The following TMEM207 variants were observed in gnomAD, a reference collection of about 807,000 sequenced individuals.
TMEM207 encodes the protein SRSR846.
In TMEM207, 15 loss-of-function variants were observed where a neutral mutation model predicts 17.4. The ratio of observed to expected loss-of-function variants is 0.86; its 90% CI spans 0.58 to 1.33. TMEM207 has a LOEUF of 1.33. Among genes scored for constraint, TMEM207 ranks in the 40% most tolerant of loss-of-function variants. The pLI, the probability that TMEM207 is intolerant of heterozygous loss-of-function variation, is 0.00. For missense variants in TMEM207, 205 were observed against 173.8 expected (o/e 1.18, Z -1.01); for synonymous variants, 70 against 65.6 (o/e 1.07, Z -0.33).
At chr3:190,434,230 TTGAC>T (rs1187241674) in intron 4 of TMEM207, among the ~76,000 whole-genome samples, 1 of 151,914 alleles carries the variant, frequency 6.6e-6, no homozygotes, top group Non-Finnish European at 1.5e-5. Flanking sequence ...GTGATATGCT[TTGAC>T]TGTGTCCCCA....
At chr3:190,449,714 C>T (rs752813623) in intron 1 of TMEM207, 21 bp downstream of exon 1, 3 of 1,612,668 alleles carry the variant, frequency 1.9e-6, no homozygotes, top group Non-Finnish European at 8.5e-7. Context: ...AAAACCTTAA[C>T]CCAGAAAGAG....
chr3:190,431,697 C>G (rs953912661), intron 4 of TMEM207, among the ~76,000 whole-genome samples: 1 of 152,050 alleles, frequency 6.6e-6, no homozygotes, highest in African/African-American at 2.4e-5. Context: ...TCAAAGGTAA[C>G]TATCTTTCTG....
chr3:190,439,394 T>C (rs1016679809), intron 4 of TMEM207, among the ~76,000 whole-genome samples: 15 of 152,168 alleles, frequency 9.9e-5, no homozygotes, highest in Non-Finnish European at 2.1e-4. Context: ...CCATCTATTG[T>C]AAATTTCATG....
chr3:190,430,196 ATGTT>A (rs1194978110), intron 4 of TMEM207, among the ~76,000 whole-genome samples: 1 of 152,188 alleles, frequency 6.6e-6, no homozygotes, highest in African/African-American at 2.4e-5. Context: ...AACAGTAAAA[ATGTT>A]AAGCTCGGTG....
At chr3:190,446,780 A>G (rs1324820827) in intron 2 of TMEM207, among the ~76,000 whole-genome samples, 2 of 152,200 alleles carry the variant, frequency 1.3e-5, no homozygotes, top group African/African-American at 4.8e-5. Flanking sequence ...GATCCTTTCC[A>G]ATTCTGAACT....
At chr3:190,436,951 T>A (rs2378570) in intron 4 of TMEM207, among the ~76,000 whole-genome samples, 2 of 152,114 alleles carry the variant, frequency 1.3e-5, no homozygotes, top group African/African-American at 4.8e-5. Flanking sequence ...TCCTGAGCAT[T>A]CCTGGGACAA....
intron 4 of TMEM207, among the ~76,000 whole-genome samples, chr3:190,434,388 C>T (rs1719756374): frequency 1.3e-5 from 2 of 152,088 alleles, no homozygotes; most frequent in African/African-American, 4.8e-5. Flanking sequence ...ATGGTTTTAT[C>T]AGGGGTTTCC....
At chr3:190,429,872 C>T (rs1185102467) in intron 4 of TMEM207, 141 bp from the exon 5 acceptor site, 11 of 1,088,124 alleles carry the variant, frequency 1.0e-5, no homozygotes, top group South Asian at 2.1e-5. Flanking sequence ...AAAATTACAA[C>T]TATCTTGCTC....
In TMEM207 at chr3:190,441,424, G is replaced by C. The variant is rs116003112; in HGVS notation, c.158+14C>G. 185 of 1,598,544 alleles carry C rather than the reference G, an allele frequency of 1.2e-4. No homozygotes were observed. In the African/African-American group the frequency reaches 2.2e-3, roughly 19 times the overall value. On this transcript the variant is annotated intron_variant, in intron 3 of 4. Transcript: ENST00000354905. ...CACCAACTGTCATATAAAACAAATG[G>C]AAGATATCCTTACCAGATATACCAG...
intron 4 of TMEM207, among the ~76,000 whole-genome samples, chr3:190,433,487 C>A (rs750605094): frequency 2.0e-5 from 3 of 152,114 alleles, no homozygotes; most frequent in Non-Finnish European, 4.4e-5. Flanking sequence ...ATTTATTTTA[C>A]CCTATCATAA....
intron 2 of TMEM207, 124 bp downstream of exon 2, chr3:190,447,666 T>C: frequency 1.1e-6 from 1 of 878,728 alleles, no homozygotes; most frequent in East Asian, 2.7e-5. Flanking sequence ...ACCATTTACT[T>C]TTCTTCTGAT....
intron 4 of TMEM207, among the ~76,000 whole-genome samples, chr3:190,439,037 C>A (rs930199148): frequency 1.3e-5 from 2 of 151,836 alleles, no homozygotes; most frequent in African/African-American, 4.8e-5. Context: ...ATTAGCCGGG[C>A]GTGGTGGCGG....
At chr3:190,444,401 T>C (rs1720001555) in intron 2 of TMEM207, 11 of 985,018 alleles carry the variant, frequency 1.1e-5, no homozygotes, top group Non-Finnish European at 1.3e-5. Context: ...GTGGTGCGAC[T>C]GGGACAGTAA....
intron 3 of TMEM207, 41 bp from the exon 4 acceptor site, chr3:190,440,430 T>C (rs1291388523): frequency 9.6e-6 from 15 of 1,568,316 alleles, no homozygotes; most frequent in East Asian, 2.3e-5. Flanking sequence ...AGGTAGAGTA[T>C]GCAGGGAAGT....
chr3:190,439,805 T>A (rs1719889436), intron 4 of TMEM207, among the ~76,000 whole-genome samples: 1 of 152,158 alleles, frequency 6.6e-6, no homozygotes, highest in Non-Finnish European at 1.5e-5. Flanking sequence ...ACCGCAGACA[T>A]CTGGAAAGTG....
Position 190,440,237 on chromosome 3 carries a change from A to C in TMEM207, c.304+7T>G. On this transcript the variant is annotated splice_region_variant and intron_variant, in intron 4 of 4. Coordinates refer to ENST00000354905, the MANE Select transcript of TMEM207 (RefSeq NM_207316.3). ...AAAAAGAGTCCAGAAGCGTGCAGACAACTCACCATAAATAGAGTCCAAGTC... is the reference window on the plus strand; with the variant it reads ...AAAAAGAGTCCAGAAGCGTGCAGACCACTCACCATAAATAGAGTCCAAGTC... The C allele has an allele frequency of 6.2e-7, 1 of 1,611,314 alleles. No homozygotes were observed. The highest frequency in any genetic ancestry group is 8.5e-7 in the Non-Finnish European group (1 of 1,179,304).
At chr3:190,448,612 C>T (rs892377126) in intron 1 of TMEM207, among the ~76,000 whole-genome samples, 4 of 152,070 alleles carry the variant, frequency 2.6e-5, no homozygotes, top group Non-Finnish European at 5.9e-5. Context: ...AGTCTTTAAA[C>T]GGCATTTATG....
intron 4 of TMEM207, among the ~76,000 whole-genome samples, chr3:190,439,079 A>G (rs1357910382): frequency 6.7e-6 from 1 of 148,744 alleles, no homozygotes; most frequent in Non-Finnish European, 1.5e-5. Context: ...CGGGAGGCTG[A>G]GGCAGGAGAA....
chr3:190,429,628 TG>T lies in TMEM207; in HGVS notation c.407del (p.Pro136HisfsTer8). The T allele has an allele frequency of 3.1e-6, 5 of 1,613,364 alleles. No individual in the cohort carries two copies. Among genetic ancestry groups the T allele is most frequent in the Middle Eastern group, 1.7e-4 (1 of 6,058 alleles). ...TTTTTACAATTTCTTCATATGGAGGTGGGGAGCCTAAAGGGCCAAAACATGG... is the reference window on the plus strand; with the variant it reads ...TTTTTACAATTTCTTCATATGGAGGTGGGAGCCTAAAGGGCCAAAACATGG... ...PAPCFGPLGS[P>X]PPYEEIVKTT On this transcript the variant is annotated frameshift_variant, in exon 5 of 5. Coordinates refer to ENST00000354905, the MANE Select transcript of TMEM207 (RefSeq NM_207316.3). LOFTEE classifies it high-confidence loss of function.
Sources: allele counts gnomAD v4.1 joint callset (sites outside exome capture counted in the v4.1 genomes callset), GRCh38; gene constraint gnomAD v4.1.1; transcripts MANE v1.5; gene names NCBI Gene and HGNC (gene_info 2026-07-23, HGNC 2026-07-21).